Variants in MTUS1 observed in about 807,000 individuals in gnomAD.
The protein encoded by MTUS1 is microtubule-associated tumor suppressor 1.
A neutral mutation model predicts 120.8 loss-of-function variants in MTUS1; 109 were observed. The observed-to-expected ratio is 0.90, with a 90% confidence interval of 0.77 to 1.06. The LOEUF is 1.06. Among genes scored for constraint, MTUS1 ranks in the 50% least tolerant of loss-of-function variants. The pLI is 0.00. For synonymous variants in MTUS1, 737 were observed against 550.5 expected (o/e 1.34, Z -4.74); for missense variants, 2,210 against 1,486.3 (o/e 1.49, Z -8.01).
At chr8:17,762,108 C>T (rs595764) in intron 1 of MTUS1, among the ~76,000 whole-genome samples, 29,114 of 151,866 alleles carry the variant, frequency 0.19, 3,451 homozygotes, top group South Asian at 0.49. Context: ...GGTGAAACCC[C>T]GTCTCTACTA....
chr8:17,656,176 G>A, intron 8 of MTUS1, 111 bp from the exon 9 acceptor site: 4 of 910,562 alleles, frequency 4.4e-6, no homozygotes, highest in South Asian at 2.9e-5. Context: ...CACCCATGAT[G>A]TCTTGGGTCT....
rs1407741401 is a variant in MTUS1, at chr8:17,680,462, CGCAAA to C, written c.2838+3861_2838+3865del. On this transcript the variant is annotated intron_variant, in intron 7 of 14. Transcript: ENST00000693296. ...CTGGGTGACAGAGCAAGGCCACTGTCGCAAAAAAAAAAAAAAAAAAAAAAAAAAAA... is the reference window on the plus strand; with the variant it reads ...CTGGGTGACAGAGCAAGGCCACTGTCAAAAAAAAAAAAAAAAAAAAAAAAA... Among the ~76,000 whole-genome samples, 92 of 92,200 alleles carry C rather than the reference CGCAAA, an allele frequency of 1.0e-3. 5 individuals carry two copies. Among genetic ancestry groups the C allele is most frequent in the South Asian group, 2.3e-3 (6 of 2,630 alleles). 60.5% of individuals were successfully genotyped at this position (92,200 alleles called of 152,430 possible). A position where few individuals can be genotyped will look rare whatever the true frequency, so the allele number is the denominator to read the frequency against.
At chr8:17,776,913 T>C (rs1005272683) in intron 1 of MTUS1, among the ~76,000 whole-genome samples, 1 of 152,112 alleles carries the variant, frequency 6.6e-6, no homozygotes, top group African/African-American at 2.4e-5. Flanking sequence ...CTAATTGTAA[T>C]TGCGCTTTCG....
chr8:17,771,959 T>C (rs2050055608), intron 1 of MTUS1, among the ~76,000 whole-genome samples: 3 of 152,200 alleles, frequency 2.0e-5, no homozygotes, highest in Admixed American at 2.0e-4. Flanking sequence ...GAAACTTCAC[T>C]GGTCCATTTA....
chr8:17,657,100 A>G (rs943386338), intron 8 of MTUS1, among the ~76,000 whole-genome samples: 1 of 151,446 alleles, frequency 6.6e-6, no homozygotes, highest in African/African-American at 2.4e-5. Context: ...TGGACCTTAA[A>G]CTTGTAGTTA....
At chr8:17,720,031 C>T (rs2045702841) in intron 4 of MTUS1, among the ~76,000 whole-genome samples, 1 of 152,130 alleles carries the variant, frequency 6.6e-6, no homozygotes, top group Non-Finnish European at 1.5e-5. Flanking sequence ...GATAGTCCAA[C>T]TTAACATGAG....
chr8:17,653,425 C>A lies in MTUS1; in HGVS notation c.3288G>T (p.Glu1096Asp). The change falls in exon 11 of 15, where the codon GAG becomes GAT. Residue 1096 changes from glutamate (E) to aspartate (D), a missense_variant and splice_region_variant. Coordinates refer to ENST00000693296, the MANE Select transcript of MTUS1 (RefSeq NM_001363059.2). Reference sequence around the variant, plus strand: ...TACTGGGATATTGACATTCACCCACCTCTAGCGATTCCTGCTTCTCAGAAA... The same window carrying A: ...TACTGGGATATTGACATTCACCCACATCTAGCGATTCCTGCTTCTCAGAAA... Reference protein sequence around the residue: ...DLLSEKQESLEKQINDLKSEN... With the variant: ...DLLSEKQESLDKQINDLKSEN... The A allele has an allele frequency of 6.2e-7, 1 of 1,607,480 alleles. No homozygotes were observed. Among genetic ancestry groups the A allele is most frequent in the Non-Finnish European group, 8.5e-7 (1 of 1,176,184 alleles).
At chr8:17,743,390 G>A (rs1390534891) in intron 3 of MTUS1, among the ~76,000 whole-genome samples, 1 of 152,082 alleles carries the variant, frequency 6.6e-6, no homozygotes, top group Non-Finnish European at 1.5e-5. Context: ...TTATAAGATG[G>A]TTTATACACC....
chr8:17,646,239 C>T (rs1418581910), intron 14 of MTUS1, 100 bp from the exon 15 acceptor site: 2 of 1,270,402 alleles, frequency 1.6e-6, no homozygotes, highest in African/African-American at 3.0e-5. Context: ...AAAATTATTC[C>T]TTTGGGATAA....
In MTUS1 at chr8:17,646,127, C is replaced by A. The variant is rs775436295; in HGVS notation, c.3612G>T (p.Thr1204=). 1.2e-6 allele frequency: 2 copies of A among 1,610,220 alleles called. No homozygotes were observed. The highest frequency in any genetic ancestry group is 4.5e-5 in the East Asian group (2 of 44,802). The part of the protein sequence containing the change: ...KHMAISRQLS[T]EQAVLQESLE... ...GCGACTCTTGCAGAACAGCCTGCTC[C>A]GTGGAAAGCTGCCTTGAAGAAAAAG... Residue 1204 remains threonine, a synonymous_variant, in exon 15 of 15, where the codon ACG becomes ACT. Transcript: ENST00000693296.
chr8:17,730,754 T>G (rs780620456), intron 3 of MTUS1, among the ~76,000 whole-genome samples: 3 of 152,202 alleles, frequency 2.0e-5, no homozygotes, highest in Non-Finnish European at 4.4e-5. Flanking sequence ...TTCTCTTTCA[T>G]GATTACTAGA....
At chr8:17,752,182 A>G (rs2048250471) in intron 2 of MTUS1, among the ~76,000 whole-genome samples, 1 of 149,896 alleles carries the variant, frequency 6.7e-6, no homozygotes, top group South Asian at 2.1e-4. Flanking sequence ...TTTCAAAATT[A>G]CACAACCAAT....
chr8:17,769,742 T>G (rs1043060338), intron 1 of MTUS1, among the ~76,000 whole-genome samples: 1 of 152,058 alleles, frequency 6.6e-6, no homozygotes, highest in Non-Finnish European at 1.5e-5. Context: ...AATAACAAAG[T>G]TGTGTTTCCC....
intron 1 of MTUS1, among the ~76,000 whole-genome samples, chr8:17,759,316 T>C (rs2048864028): frequency 6.6e-6 from 1 of 151,160 alleles, no homozygotes; most frequent in Non-Finnish European, 1.5e-5. Flanking sequence ...CAAGCTGCAG[T>C]GCAGTGATGT....
intron 6 of MTUS1, among the ~76,000 whole-genome samples, chr8:17,711,093 G>C (rs1202420781): frequency 2.6e-5 from 4 of 152,166 alleles, no homozygotes; most frequent in African/African-American, 9.7e-5. Flanking sequence ...CACAGGCAGA[G>C]TAGATTTAAC....
chr8:17,660,786 C>A (rs1352787280), intron 8 of MTUS1, among the ~76,000 whole-genome samples: 1 of 152,054 alleles, frequency 6.6e-6, no homozygotes, highest in East Asian at 1.9e-4. Context: ...CAAATTAAGC[C>A]ATATGATAGA....
chr8:17,694,111 G>C lies in MTUS1; in HGVS notation c.2624-9569C>G, dbSNP rs117730584. Among the ~76,000 whole-genome samples, 802 of 152,260 alleles carry C rather than the reference G, an allele frequency of 5.3e-3. 2 individuals are homozygous for C. Among genetic ancestry groups the C allele is most frequent in the Non-Finnish European group, 7.9e-3 (535 of 68,020 alleles). ...TTTTTTGTGTGTGGTTTTTTAAATAGAGACAGGGTCTCATTAACTCTCCAG... is the reference window on the plus strand; with the variant it reads ...TTTTTTGTGTGTGGTTTTTTAAATACAGACAGGGTCTCATTAACTCTCCAG... On this transcript the variant is annotated intron_variant, in intron 6 of 14. Coordinates refer to ENST00000693296, the MANE Select transcript of MTUS1 (RefSeq NM_001363059.2).
intron 1 of MTUS1, among the ~76,000 whole-genome samples, chr8:17,762,928 C>G (rs903945530): frequency 1.3e-5 from 2 of 152,036 alleles, no homozygotes; most frequent in Non-Finnish European, 2.9e-5. Context: ...TTGAGAAACA[C>G]CTGTCCAGTT....
intron 1 of MTUS1, among the ~76,000 whole-genome samples, chr8:17,773,181 C>T (rs1179293183): frequency 2.0e-5 from 3 of 152,090 alleles, no homozygotes; most frequent in Non-Finnish European, 2.9e-5. Context: ...GGAATCAGAG[C>T]CCCAAGGAAA....
Sources: gnomAD v4.1 joint callset for allele counts (sites outside exome capture counted in the v4.1 genomes callset) on GRCh38, gnomAD v4.1.1 for gene constraint, MANE v1.5 for transcripts, NCBI Gene and HGNC (gene_info 2026-07-23, HGNC 2026-07-21) for gene names.